Variants in AATK observed in about 807,000 individuals in gnomAD.
AATK encodes lemur tail kinase 1.
Under a neutral mutation model 114.3 loss-of-function variants are expected in AATK, and 91 were observed. The observed-to-expected ratio is 0.80, with a 90% CI of 0.67 to 0.95. The LOEUF is 0.95. AATK is among the 40% of genes least tolerant of loss of function. AATK has a pLI of 0.00. For missense variants in AATK, 2,176 were observed against 1,965.2 expected (o/e 1.11, Z -2.03); for synonymous variants, 1,075 against 916.5 (o/e 1.17, Z -3.12).
intron 1 of AATK, among the ~76,000 whole-genome samples, chr17:81,135,562 C>T (rs2060997150): frequency 6.6e-6 from 1 of 152,172 alleles, no homozygotes; most frequent in African/African-American, 2.4e-5. Context: ...AGCACACCCC[C>T]AAAGGTGTTG....
In AATK at chr17:81,119,510, G is replaced by C; in HGVS notation, c.3954C>G (p.Asp1318Glu). Residue 1318 changes from aspartate to glutamate, a missense_variant, in exon 13 of 14, where the codon GAC becomes GAG. Asp to Glu is a conservative substitution (Grantham distance 45, BLOSUM62 2). This residue lies in a region of AATK where 1,701 missense variants were observed against 1,394.7 expected (regional missense o/e 1.22). Transcript: ENST00000326724. ...TAKAAFAMAL[D>E]PAAPAPAAPT... ...GCGCAGCCGGGGCGGGTGCGGCCGG[G>C]TCTAGGGCCATGGCGAAGGCTGCCT... The C allele has an allele frequency of 6.4e-7, 1 of 1,564,232 alleles. No individual in the cohort carries two copies.
At chr17:81,134,889 C>T (rs952855155) in intron 1 of AATK, among the ~76,000 whole-genome samples, 13 of 152,232 alleles carry the variant, frequency 8.5e-5, no homozygotes, top group Admixed American at 7.2e-4. Flanking sequence ...GGAACATGGA[C>T]TCTGTCAAAC....
rs1444091983 is a variant in AATK, at chr17:81,139,205, T to G, written c.56-4704A>C. Among the ~76,000 whole-genome samples, 5 of 152,192 alleles carry G rather than the reference T, an allele frequency of 3.3e-5. No homozygotes were observed. The East Asian group carries it at 9.7e-4, about 29-fold the overall frequency. On this transcript the variant is annotated intron_variant, in intron 1 of 13. Coordinates refer to ENST00000326724, the MANE Select transcript of AATK (RefSeq NM_001080395.3). ...TGATGTCACAAGCACACCCAAAGGGTGGCCTGGCTCTGCCAGCTCCACTGC... is the reference window on the plus strand; with the variant it reads ...TGATGTCACAAGCACACCCAAAGGGGGGCCTGGCTCTGCCAGCTCCACTGC...
intron 1 of AATK, among the ~76,000 whole-genome samples, chr17:81,139,379 C>T (rs1401796170): frequency 6.6e-6 from 1 of 152,214 alleles, no homozygotes; most frequent in Non-Finnish European, 1.5e-5. Context: ...TTCCCAAATA[C>T]GAGAAGGGGT....
At position 81,120,444 on chromosome 17, in the gene AATK, G is replaced by A. The variant is rs143364400; in HGVS notation, c.3492C>T (p.Asp1164=). ...LEGRPEEEEE[D]SEDSDESDEE... ...CGTCAGACTCGTCGCTGTCCTCACT[G>A]TCCTCCTCCTCCTCCTCCGGCCGGC... The change falls in exon 11 of 14, where the codon GAC becomes GAT. Residue 1164 remains aspartate, a synonymous_variant. Transcript: ENST00000326724. 692 of 1,565,344 alleles carry A rather than the reference G, an allele frequency of 4.4e-4. 3 individuals are homozygous for A. In the African/African-American group the frequency reaches 8.0e-3, roughly 18 times the overall value.
At chr17:81,140,119 C>G (rs564323381) in intron 1 of AATK, among the ~76,000 whole-genome samples, 1 of 152,304 alleles carries the variant, frequency 6.6e-6, no homozygotes, top group South Asian at 2.1e-4. Flanking sequence ...CTCAAGCAGT[C>G]CTCCCCGCCC....
intron 1 of AATK, among the ~76,000 whole-genome samples, chr17:81,143,459 C>A (rs909864386): frequency 8.9e-6 from 1 of 111,936 alleles, no homozygotes; most frequent in Non-Finnish European, 1.8e-5. Context: ...GGCCATGCAG[C>A]CCCCACCCCT....
chr17:81,150,809 G>A (rs1232425837), intron 1 of AATK, among the ~76,000 whole-genome samples: 1 of 152,160 alleles, frequency 6.6e-6, no homozygotes. Flanking sequence ...TGGACCTCCT[G>A]GCACCAGGGT....
At chr17:81,118,621 C>G (rs775642832) in intron 13 of AATK, among the ~76,000 whole-genome samples, 179 bp from the exon 14 acceptor site, 5 of 152,240 alleles carry the variant, frequency 3.3e-5, no homozygotes, top group African/African-American at 7.2e-5. Context: ...TCACTGGACT[C>G]AGGCCAACAA....
chr17:81,164,495 T>C (rs1253761193), intron 1 of AATK, among the ~76,000 whole-genome samples: 1 of 152,210 alleles, frequency 6.6e-6, no homozygotes, highest in African/African-American at 2.4e-5. Flanking sequence ...TCTAAGTCAT[T>C]AAACGGACAC....
At chr17:81,156,928 G>GT (rs1394305011) in intron 1 of AATK, among the ~76,000 whole-genome samples, 11 of 52,088 alleles carry the variant, frequency 2.1e-4, no homozygotes, top group East Asian at 1.5e-3. Context: ...AGGGCCCTGG[G>GT]CGGGGTACGG....
At chr17:81,131,965 C>A in intron 2 of AATK, 1 of 1,328,898 alleles carries the variant, frequency 7.5e-7, no homozygotes. Context: ...ACCTCCGGAG[C>A]TCCCAGAACT....
At position 81,140,639 on chromosome 17, in the gene AATK, AGACCGTGGGGCCGGGG is replaced by A. The variant is rs200311791; in HGVS notation, c.56-6154_56-6139del. On this transcript the variant is annotated intron_variant, in intron 1 of 13. Coordinates refer to ENST00000326724, the MANE Select transcript of AATK (RefSeq NM_001080395.3). ...ATGAGAGAAGTGACTGCAGAATCAG[AGACCGTGGGGCCGGGG>A]GACCGTGGGGCCGTGGGGACCATGG... 3.3e-3 allele frequency among the ~76,000 whole-genome samples: 350 copies of A among 105,920 alleles called. 4 individuals are homozygous for A. The highest frequency in any genetic ancestry group is 0.011 in the African/African-American group (303 of 28,176). The allele number at this position is 105,920 out of a possible 152,430, so 69.5% of individuals were successfully genotyped here. A position where few individuals can be genotyped will look rare whatever the true frequency, so the allele number is the denominator to read the frequency against.
At position 81,162,145 on chromosome 17, in the gene AATK, G is replaced by A. The variant is rs1482526929; in HGVS notation, c.55+3793C>T. Among the ~76,000 whole-genome samples, 20 of 152,092 alleles carry A rather than the reference G, an allele frequency of 1.3e-4. No individual in the cohort carries two copies. In the East Asian group the frequency reaches 3.3e-3, roughly 25 times the overall value. On this transcript the variant is annotated intron_variant, in intron 1 of 13. Transcript: ENST00000326724. ...GCACCCATGCTGGTAGGTGGGAGCC[G>A]GACCCGTGCCCAGGGCCCACGGCCT... is the stretch of plus-strand genomic sequence containing the variant.
rs773227691 is a variant in AATK at position 81,124,754 on chromosome 17, A to G, written c.935T>C (p.Val312Ala). 1 of 1,612,880 alleles carries G rather than the reference A, an allele frequency of 6.2e-7. No homozygotes were observed. Residue 312 changes from valine (V) to alanine (A), a missense_variant, in exon 9 of 14, where the codon GTG becomes GCG. Physicochemically the swap from Val to Ala is moderately conservative, Grantham distance 64 (BLOSUM62 0). Coordinates refer to ENST00000326724, the MANE Select transcript of AATK (RefSeq NM_001080395.3). ...VDEVHSNLLVVDQTKSGNVWS... is the reference protein window; with the variant it reads ...VDEVHSNLLVADQTKSGNVWS... ...CACATTCCCGCTCTTGGTCTGGTCC[A>G]CGACGAGCAGGTTGCTATGCACCTC... is the stretch of plus-strand genomic sequence containing the variant.
rs763723409 is a variant in AATK at position 81,165,951 on chromosome 17, C to A, written c.42G>T (p.Ser14=). ...CCAGGGACTCACCGGGGTCGAAGTG[C>A]GAGCTGAAGGCGAAGCTGGGGTTGA... The part of the protein sequence containing the change: ...SFFNPSFAFS[S]HFDPDGAPLS... The change falls in exon 1 of 14, where the codon TCG becomes TCT. Residue 14 remains serine, a synonymous_variant. Coordinates refer to ENST00000326724, the MANE Select transcript of AATK (RefSeq NM_001080395.3). 2.5e-6 allele frequency: 4 copies of A among 1,583,722 alleles called. No homozygotes were observed. The highest frequency in any genetic ancestry group is 2.6e-6 in the Non-Finnish European group (3 of 1,166,670).
intron 3 of AATK, among the ~76,000 whole-genome samples, chr17:81,129,490 G>A (rs2060898011): frequency 6.6e-6 from 1 of 152,144 alleles, no homozygotes; most frequent in Non-Finnish European, 1.5e-5. Flanking sequence ...CCAGCGGGTG[G>A]GGCCATTGCC....
chr17:81,152,037 G>T (rs907480482), intron 1 of AATK, among the ~76,000 whole-genome samples: 3 of 152,262 alleles, frequency 2.0e-5, no homozygotes, highest in Non-Finnish European at 4.4e-5. Context: ...CACTTTGGGA[G>T]GCTGAGGTGG....
intron 7 of AATK, chr17:81,125,373 C>G: frequency 5.0e-6 from 3 of 603,878 alleles, no homozygotes; most frequent in Non-Finnish European, 9.9e-6. Context: ...CTCTACTACA[C>G]TATCACTCTC....
Sources: allele counts gnomAD v4.1 joint callset (sites outside exome capture counted in the v4.1 genomes callset), GRCh38; gene constraint gnomAD v4.1.1; regional missense constraint gnomAD v4.1.1; transcripts MANE v1.5; gene names NCBI Gene and HGNC (gene_info 2026-07-23, HGNC 2026-07-21).